Variants in ADAM7 observed in about 807,000 individuals in gnomAD.
ADAM7 encodes the protein disintegrin and metalloproteinase domain-containing protein 7.
Under a neutral mutation model 102.9 loss-of-function variants are expected in ADAM7, and 97 were observed. The observed-to-expected ratio is 0.94, with a 90% CI of 0.80 to 1.12. The LOEUF (loss-of-function observed/expected upper bound fraction) is 1.12, where lower values mean the gene tolerates loss of function less well. Among genes scored for constraint, ADAM7 ranks in the 50% most tolerant of loss-of-function variants. The probability of loss-of-function intolerance (pLI) is 0.00; values close to 1 mark genes in which losing one functional copy is unlikely to be tolerated. For missense variants in ADAM7, 991 were observed against 908.7 expected (o/e 1.09, Z -1.16); for synonymous variants, 334 against 304.4 (o/e 1.10, Z -1.01).
chr8:24,487,421 T>A (rs1333662421), intron 11 of ADAM7, 104 bp downstream of exon 11: 1 of 1,379,664 alleles, frequency 7.2e-7, no homozygotes, highest in East Asian at 2.9e-5. Flanking sequence ...CCGAGGCAGG[T>A]GGATCACCTG....
intron 16 of ADAM7, among the ~76,000 whole-genome samples, chr8:24,495,562 G>T (rs999994693): frequency 6.6e-6 from 1 of 152,102 alleles, no homozygotes; most frequent in African/African-American, 2.4e-5. Flanking sequence ...AAGAATCAAT[G>T]AATGTAAAGA....
At chr8:24,453,211 G>C (rs1310724711) in intron 3 of ADAM7, among the ~76,000 whole-genome samples, 1 of 152,106 alleles carries the variant, frequency 6.6e-6, no homozygotes, top group African/African-American at 2.4e-5. Flanking sequence ...TTGCTAGATT[G>C]GGGAAGTTCT....
At chr8:24,441,374 A>G (rs1248447861) in intron 1 of ADAM7, among the ~76,000 whole-genome samples, 1 of 152,240 alleles carries the variant, frequency 6.6e-6, no homozygotes, top group South Asian at 2.1e-4. Flanking sequence ...AGGAGAAAGG[A>G]GTGGACAAGT....
intron 20 of ADAM7, among the ~76,000 whole-genome samples, chr8:24,504,376 A>G (rs985652213): frequency 6.6e-6 from 1 of 152,076 alleles, no homozygotes; most frequent in Non-Finnish European, 1.5e-5. Flanking sequence ...TCAAAAAACA[A>G]CAATATCAAC....
At chr8:24,477,855 A>G (rs914672384) in intron 8 of ADAM7, among the ~76,000 whole-genome samples, 1 of 152,006 alleles carries the variant, frequency 6.6e-6, no homozygotes, top group East Asian at 1.9e-4. Context: ...TGGGCCAACA[A>G]GATTCTTTCC....
chr8:24,449,145 T>G (rs1337342148), intron 3 of ADAM7, among the ~76,000 whole-genome samples: 1 of 152,216 alleles, frequency 6.6e-6, no homozygotes, highest in Non-Finnish European at 1.5e-5. Context: ...CAGCATGATT[T>G]ATAGTCCTTT....
chr8:24,482,325 C>A lies in ADAM7; in HGVS notation c.875+14C>A. On this transcript the variant is annotated intron_variant, in intron 9 of 21. Transcript: ENST00000175238. ...TGTATTACTCAGGTTGGTGATTGCT[C>A]TATTTTCTTGCATACCTTTGGTGGA... 1.3e-6 allele frequency: 2 copies of A among 1,596,552 alleles called. No homozygotes were observed. Among genetic ancestry groups the A allele is most frequent in the South Asian group, 1.2e-5 (1 of 86,276 alleles).
rs140850051 is a variant in ADAM7, at chr8:24,489,194, A to G, written c.1127A>G (p.Asn376Ser). Residue 376 changes from asparagine (N) to serine (S), a missense_variant, in exon 12 of 22, where the codon AAC becomes AGC. Coordinates refer to ENST00000175238, the MANE Select transcript of ADAM7 (RefSeq NM_003817.4). ...CTGAAATTCAGTAAATGCAGCCAAA[A>G]CCAATACCACCAGTACTTGAAGGAT... Reference protein sequence around the residue: ...PALKFSKCSQNQYHQYLKDYK... With the variant: ...PALKFSKCSQSQYHQYLKDYK... 1 of 1,612,268 alleles carries G rather than the reference A, an allele frequency of 6.2e-7. No homozygotes were observed. The highest frequency in any genetic ancestry group is 1.1e-5 in the South Asian group (1 of 90,642).
chr8:24,505,013 A>G (rs6993506), intron 20 of ADAM7, among the ~76,000 whole-genome samples: 2,790 of 152,268 alleles, frequency 0.018, 84 homozygotes, highest in African/African-American at 0.063. Context: ...AAGAAACCGC[A>G]TGATGCTAAT....
rs781236804 is a variant in ADAM7, at chr8:24,482,170, C to A, written c.734C>A (p.Thr245Lys). The change falls in exon 9 of 22, where the codon ACG becomes AAG. Residue 245 changes from threonine (T) to lysine (K), a missense_variant. By Grantham distance (78) the Thr-to-Lys change is moderately conservative. Coordinates refer to ENST00000175238, the MANE Select transcript of ADAM7 (RefSeq NM_003817.4). ...MIYKTLNIHV[T>K]LVGIEIWTHE... The stretch of plus-strand genomic sequence containing the variant: ...TATAAAACCTTAAACATCCATGTGA[C>A]GTTGGTTGGCATTGAAATATGGACA... 1 of 1,592,508 alleles carries A rather than the reference C, an allele frequency of 6.3e-7. No individual in the cohort carries two copies. The highest frequency in any genetic ancestry group is 1.8e-5 in the Admixed American group (1 of 54,192).
At chr8:24,484,230 T>C (rs1212488900) in intron 9 of ADAM7, among the ~76,000 whole-genome samples, 1 of 152,096 alleles carries the variant, frequency 6.6e-6, no homozygotes, top group Non-Finnish European at 1.5e-5. Context: ...AAGAGAAACA[T>C]TTCAATAATA....
At chr8:24,508,463 G>A in intron 21 of ADAM7, 83 bp from the exon 22 acceptor site, 1 of 1,368,096 alleles carries the variant, frequency 7.3e-7, no homozygotes, top group South Asian at 1.2e-5. Flanking sequence ...ATTCTAATTA[G>A]TAGATATAAA....
chr8:24,506,083 C>G (rs1244733929), intron 20 of ADAM7: 1 of 1,547,968 alleles, frequency 6.5e-7, no homozygotes, highest in Admixed American at 2.0e-5. Flanking sequence ...AGTATCTCTT[C>G]TTACTAGCAG....
intron 7 of ADAM7, among the ~76,000 whole-genome samples, chr8:24,473,796 A>T (rs1388769585): frequency 6.6e-6 from 1 of 152,166 alleles, no homozygotes; most frequent in Non-Finnish European, 1.5e-5. Flanking sequence ...CATGAGAGTG[A>T]CGGTTTCCTC....
intron 7 of ADAM7, among the ~76,000 whole-genome samples, chr8:24,474,016 A>G (rs1412174334): frequency 1.3e-5 from 2 of 152,124 alleles, no homozygotes; most frequent in East Asian, 3.8e-4. Context: ...TAAACATTAA[A>G]CTTATTAATA....
rs941661302 is a variant in ADAM7, at chr8:24,478,309, C to T, written c.705+1805C>T. 9.2e-5 allele frequency among the ~76,000 whole-genome samples: 14 copies of T among 152,214 alleles called. 1 individual carries two copies. The highest frequency in any genetic ancestry group is 2.4e-4 in the African/African-American group (10 of 41,554). ...AATTTCTTGCCACACAGTGCTCTCT[C>T]GGACCCTTTCACAACATGGCAGGTT... On this transcript the variant is annotated intron_variant, in intron 8 of 21. Coordinates refer to ENST00000175238, the MANE Select transcript of ADAM7 (RefSeq NM_003817.4).
chr8:24,482,320 T>A lies in ADAM7; in HGVS notation c.875+9T>A, dbSNP rs1819979201. The A allele has an allele frequency of 1.9e-6, 3 of 1,599,440 alleles. No individual in the cohort carries two copies. In the East Asian group the frequency reaches 6.7e-5, roughly 36 times the overall value. On this transcript the variant is annotated intron_variant, in intron 9 of 21. Coordinates refer to ENST00000175238, the MANE Select transcript of ADAM7 (RefSeq NM_003817.4). ...CATGTTGTATTACTCAGGTTGGTGA[T>A]TGCTCTATTTTCTTGCATACCTTTG...
intron 13 of ADAM7, 95 bp from the exon 14 acceptor site, chr8:24,491,808 C>A (rs1820367322): frequency 9.3e-7 from 1 of 1,078,488 alleles, no homozygotes; most frequent in South Asian, 1.9e-5. Context: ...TCCTTAAAAC[C>A]TTTTTTGGAT....
chr8:24,478,112 T>C (rs1291430346), intron 8 of ADAM7, among the ~76,000 whole-genome samples: 1 of 152,162 alleles, frequency 6.6e-6, no homozygotes, highest in African/African-American at 2.4e-5. Flanking sequence ...GCAGGAAGTC[T>C]GGGTACAACA....
Sources: gnomAD v4.1 joint callset for allele counts (sites outside exome capture counted in the v4.1 genomes callset) on GRCh38, gnomAD v4.1.1 for gene constraint, MANE v1.5 for transcripts, NCBI Gene and HGNC (gene_info 2026-07-23, HGNC 2026-07-21) for gene names.